The following MPC2 variants were observed in gnomAD, a reference collection of about 807,000 sequenced individuals.
The protein encoded by MPC2 is mitochondrial pyruvate carrier 2, also known as brain protein 44.
MPC2 carries 19 observed loss-of-function variants against 19.2 expected under a neutral mutation model. That is an observed-to-expected ratio of 0.99 (90% CI 0.69 to 1.45). The LOEUF (loss-of-function observed/expected upper bound fraction) is 1.45. Ranked by LOEUF, MPC2 falls within the 40% of genes most tolerant of loss-of-function variation. The pLI is 0.00. For synonymous variants in MPC2, 61 were observed against 54.3 expected, an observed-to-expected ratio of 1.12 and a Z score of -0.54; for missense variants, 122 against 153.0, an observed-to-expected ratio of 0.80 and a Z score of 1.07.
At chr1:167,923,129 A>C (rs965093641) in intron 3 of MPC2, among the ~76,000 whole-genome samples, 3 of 152,206 alleles carry the variant, frequency 2.0e-5, no homozygotes, top group Admixed American at 2.0e-4. Flanking sequence ...AAAATAATGT[A>C]GTTGCTGAGG....
At chr1:167,920,462 C>T (rs1670572141) in intron 4 of MPC2, 85 bp downstream of exon 4, 1 of 1,376,572 alleles carries the variant, frequency 7.3e-7, no homozygotes, top group South Asian at 1.3e-5. Flanking sequence ...ATTTCAAACA[C>T]TAAGCCACTA....
intron 2 of MPC2, among the ~76,000 whole-genome samples, chr1:167,927,995 C>A (rs1257556582): frequency 6.6e-6 from 1 of 151,964 alleles, no homozygotes; most frequent in African/African-American, 2.4e-5. Flanking sequence ...AAGATGTGGA[C>A]AAGTGACAAA....
At chr1:167,923,700 TAA>T (rs201133573) in intron 3 of MPC2, among the ~76,000 whole-genome samples, 5 of 141,548 alleles carry the variant, frequency 3.5e-5, no homozygotes, top group Non-Finnish European at 3.1e-5. Flanking sequence ...TTTACCACAT[TAA>T]AAAAAAAAAA....
In MPC2 at chr1:167,935,761, T is replaced by C; in HGVS notation, c.81A>G (p.Lys27=). The change falls in exon 2 of 6, where the codon AAA becomes AAG. Residue 27 remains lysine (K), a synonymous_variant. Coordinates refer to ENST00000271373, the MANE Select transcript of MPC2 (RefSeq NM_001143674.4). The part of the protein sequence containing the change: ...LDKVELMLPE[K]LRPLYNHPAG... ...CTGGATGGTTGTACAACGGCCTCAA[T>C]TTCTCGGGCAGCATCAGCTCCACTT... The C allele has an allele frequency of 1.3e-6, 2 of 1,565,236 alleles. No homozygotes were observed. The highest frequency in any genetic ancestry group is 1.7e-6 in the Non-Finnish European group (2 of 1,154,528).
chr1:167,922,960 G>A (rs939849098), intron 3 of MPC2, among the ~76,000 whole-genome samples: 19 of 152,118 alleles, frequency 1.2e-4, no homozygotes, highest in South Asian at 2.1e-4. Context: ...TGTTCAGCAT[G>A]ACTAATCATT....
chr1:167,918,828 T>C (rs1033649962), intron 5 of MPC2, among the ~76,000 whole-genome samples: 3 of 151,984 alleles, frequency 2.0e-5, no homozygotes, highest in Non-Finnish European at 2.9e-5. Flanking sequence ...CTCCTGACCT[T>C]GTGGTCTGCC....
chr1:167,930,015 G>A (rs1033173117), intron 2 of MPC2, among the ~76,000 whole-genome samples: 7 of 152,012 alleles, frequency 4.6e-5, no homozygotes, highest in Non-Finnish European at 1.0e-4. Context: ...AATATGTAAA[G>A]GTTAATCTTT....
chr1:167,919,109 A>G (rs1346816738), intron 5 of MPC2, among the ~76,000 whole-genome samples: 1 of 152,232 alleles, frequency 6.6e-6, no homozygotes, highest in African/African-American at 2.4e-5. Context: ...AAAATATACT[A>G]AAGTAATCAC....
At chr1:167,920,690 CTTT>C in intron 3 of MPC2, 59 bp from the exon 4 acceptor site, 1 of 1,503,092 alleles carries the variant, frequency 6.7e-7, no homozygotes, top group Non-Finnish European at 9.0e-7. Flanking sequence ...ATAGTTTTAA[CTTT>C]AAATCAAGCA....
In MPC2 at chr1:167,928,123, C is replaced by T. The variant is rs374463018; in HGVS notation, c.110-3586G>A. On this transcript the variant is annotated intron_variant, in intron 2 of 5. Coordinates refer to ENST00000271373, the MANE Select transcript of MPC2 (RefSeq NM_001143674.4). ...CAGCACTTTGTGAGGCCGAGATGGG[C>T]GGATCACGAGGTCAGAAGATCGAGA... 3.9e-4 allele frequency among the ~76,000 whole-genome samples: 59 copies of T among 152,154 alleles called. 1 individual carries two copies. The East Asian group carries it at 7.1e-3, about 18-fold the overall frequency.
intron 3 of MPC2, among the ~76,000 whole-genome samples, chr1:167,922,842 TCAA>T (rs774901372): frequency 8.5e-5 from 13 of 152,078 alleles, no homozygotes; most frequent in African/African-American, 3.1e-4. Flanking sequence ...AGCCCATCAC[TCAA>T]CAACAACAAA....
Position 167,935,779 on chromosome 1 carries a change from C to G in MPC2, c.63G>C (p.Glu21Asp), listed in dbSNP as rs947893646. Residue 21 changes from glutamate (E) to aspartate (D), a missense_variant, in exon 2 of 6, where the codon GAG becomes GAC. Glu to Asp is a conservative substitution (Grantham distance 45). Coordinates refer to ENST00000271373, the MANE Select transcript of MPC2 (RefSeq NM_001143674.4). ...ATYHRLLDKV[E>D]LMLPEKLRPL... ...GCCTCAATTTCTCGGGCAGCATCAG[C>G]TCCACTTTATCGAGGAGCCGGTGGT... is the stretch of plus-strand genomic sequence containing the variant. 6.4e-7 allele frequency: 1 copy of G among 1,564,582 alleles called. No individual in the cohort carries two copies. Among genetic ancestry groups the G allele is most frequent in the Non-Finnish European group, 8.7e-7 (1 of 1,154,446 alleles).
chr1:167,928,580 CAT>C (rs1229897027), intron 2 of MPC2, among the ~76,000 whole-genome samples: 6 of 152,124 alleles, frequency 3.9e-5, no homozygotes, highest in African/African-American at 1.4e-4. Flanking sequence ...CATTTCTAAA[CAT>C]AAAGTTTTGA....
At chr1:167,918,741 C>T (rs1003511026) in intron 5 of MPC2, among the ~76,000 whole-genome samples, 37 of 151,858 alleles carry the variant, frequency 2.4e-4, no homozygotes, top group Non-Finnish European at 4.3e-4. Context: ...CTACAGGCGC[C>T]CGCCACCACT....
intron 2 of MPC2, among the ~76,000 whole-genome samples, chr1:167,926,649 G>A (rs998530943): frequency 1.3e-5 from 2 of 152,160 alleles, no homozygotes; most frequent in African/African-American, 4.8e-5. Flanking sequence ...TGCTGCTGCC[G>A]TCTAGTGGGT....
At chr1:167,925,454 T>TATATATATATATATATACATATAC (rs1553200819) in intron 2 of MPC2, among the ~76,000 whole-genome samples, 101 of 114,698 alleles carry the variant, frequency 8.8e-4, no homozygotes, top group Non-Finnish European at 1.6e-3. Context: ...TATATATATA[T>TATATATATATATATATACATATAC]ATATATATAT....
chr1:167,935,413 G>A (rs921593331), intron 2 of MPC2, among the ~76,000 whole-genome samples: 1 of 152,226 alleles, frequency 6.6e-6, no homozygotes. Flanking sequence ...AGTGTTTCAT[G>A]GTGGCCCCAG....
At chr1:167,923,347 A>T (rs1670649405) in intron 3 of MPC2, among the ~76,000 whole-genome samples, 1 of 152,210 alleles carries the variant, frequency 6.6e-6, no homozygotes, top group Admixed American at 6.5e-5. Context: ...AATACATACA[A>T]TGGAATGCTA....
At chr1:167,928,546 A>G (rs1308226988) in intron 2 of MPC2, among the ~76,000 whole-genome samples, 2 of 152,226 alleles carry the variant, frequency 1.3e-5, no homozygotes, top group East Asian at 1.9e-4. Flanking sequence ...TATGGTAGCG[A>G]AAAAACATTC....
Sources: allele counts gnomAD v4.1 joint callset (sites outside exome capture counted in the v4.1 genomes callset), GRCh38; gene constraint gnomAD v4.1.1; transcripts MANE v1.5; gene names NCBI Gene and HGNC (gene_info 2026-07-23, HGNC 2026-07-21).